Variants in CTNNA2 observed in about 807,000 individuals in gnomAD.
CTNNA2 encodes the protein catenin alpha-2.
CTNNA2 carries 42 observed loss-of-function variants against 101.0 expected under a neutral mutation model. The ratio of observed to expected loss-of-function variants is 0.42; its 90% CI spans 0.32 to 0.54. CTNNA2 has a LOEUF of 0.54. Ranked by LOEUF, CTNNA2 falls within the 20% of genes least tolerant of loss-of-function variation. The pLI is 0.14. For synonymous variants in CTNNA2, 450 were observed against 456.4 expected (o/e 0.99, Z 0.18); for missense variants, 871 against 1,223.1 (o/e 0.71, Z 4.29).
At chr2:80,513,971 C>A (rs943577842) in intron 9 of CTNNA2, among the ~76,000 whole-genome samples, 1 of 152,202 alleles carries the variant, frequency 6.6e-6, no homozygotes, top group African/African-American at 2.4e-5. Context: ...GAATCACATT[C>A]TTTTTCTCAG....
At chr2:79,305,722 A>G (rs962126483) in intron 2 of CTNNA2, among the ~76,000 whole-genome samples, 8 of 152,094 alleles carry the variant, frequency 5.3e-5, no homozygotes, top group Admixed American at 5.2e-4. Context: ...AATTTAGAAC[A>G]TTTCTTTGGG....
rs557080401 is a variant in CTNNA2, at chr2:80,053,249, A to G, written c.1056+143452A>G. On this transcript the variant is annotated intron_variant, in intron 7 of 18. Coordinates refer to ENST00000402739, the MANE Select transcript of CTNNA2 (RefSeq NM_001282597.3). ...GTCCATTTGTCCTTAGTTCCAGCCAACATTTCCAGGGGAGTTTCAAGGTGA... is the reference window on the plus strand; with the variant it reads ...GTCCATTTGTCCTTAGTTCCAGCCAGCATTTCCAGGGGAGTTTCAAGGTGA... Among the ~76,000 whole-genome samples, 17 of 152,280 alleles carry G rather than the reference A, an allele frequency of 1.1e-4. 1 individual carries two copies. The South Asian group carries it at 3.3e-3, about 30-fold the overall frequency.
intron 6 of CTNNA2, among the ~76,000 whole-genome samples, chr2:79,905,055 A>T (rs2104298675): frequency 6.6e-6 from 1 of 152,348 alleles, no homozygotes; most frequent in South Asian, 2.1e-4. Context: ...AAGGCAGAAT[A>T]GGATTCTAGT....
intron 4 of CTNNA2, among the ~76,000 whole-genome samples, chr2:79,405,972 A>G (rs1573150324): frequency 3.3e-5 from 5 of 152,062 alleles, no homozygotes; most frequent in South Asian, 4.1e-4. Context: ...GAATACTGAA[A>G]GAGGAGGCAT....
chr2:80,576,872 A>G (rs1695100704), intron 13 of CTNNA2, among the ~76,000 whole-genome samples: 1 of 148,580 alleles, frequency 6.7e-6, no homozygotes, highest in Admixed American at 6.8e-5. Flanking sequence ...AGGCTGTGGG[A>G]GGAGAATTGC....
chr2:80,185,511 G>A (rs1399693545), intron 7 of CTNNA2, among the ~76,000 whole-genome samples: 5 of 152,306 alleles, frequency 3.3e-5, no homozygotes, highest in Admixed American at 2.6e-4. Flanking sequence ...GAAACTCTCT[G>A]TGGCAGGTAG....
chr2:79,771,018 G>A (rs187976729), intron 3 of CTNNA2, among the ~76,000 whole-genome samples: 3 of 152,172 alleles, frequency 2.0e-5, no homozygotes, highest in Admixed American at 6.5e-5. Context: ...CTCTAACCTC[G>A]TGAAATTTCT....
chr2:80,441,025 T>C (rs1682517656), intron 9 of CTNNA2, among the ~76,000 whole-genome samples: 2 of 152,206 alleles, frequency 1.3e-5, no homozygotes, highest in Non-Finnish European at 2.9e-5. Flanking sequence ...AGGCAAACAA[T>C]GTGGCCAAAC....
At chr2:80,413,708 T>C (rs1376902162) in intron 8 of CTNNA2, among the ~76,000 whole-genome samples, 2 of 152,194 alleles carry the variant, frequency 1.3e-5, no homozygotes, top group East Asian at 3.8e-4. Context: ...ACTTTGTTGC[T>C]TTGATTTTAC....
At chr2:79,569,319 G>A (rs961211992) in intron 1 of CTNNA2, among the ~76,000 whole-genome samples, 4 of 152,060 alleles carry the variant, frequency 2.6e-5, no homozygotes, top group African/African-American at 7.2e-5. Flanking sequence ...GAACAGGGTC[G>A]GCTGGGGGGT....
intron 7 of CTNNA2, among the ~76,000 whole-genome samples, chr2:80,135,943 A>G (rs1387886266): frequency 3.3e-5 from 5 of 152,258 alleles, no homozygotes; most frequent in Middle Eastern, 3.4e-3. Flanking sequence ...TTGCTAACCC[A>G]TGGTAAAAGG....
intron 2 of CTNNA2, among the ~76,000 whole-genome samples, chr2:79,715,442 A>G (rs1470741936): frequency 2.6e-5 from 4 of 152,192 alleles, no homozygotes; most frequent in African/African-American, 9.7e-5. Context: ...CTTCCAATGA[A>G]TAAAGCTATT....
rs76393786 is a variant in CTNNA2 at position 79,527,918 on chromosome 2, C to T, written c.-6+14711C>T. Among the ~76,000 whole-genome samples the T allele has an allele frequency of 2.4e-3, 369 of 152,240 alleles. 2 individuals are homozygous for T. The highest frequency in any genetic ancestry group is 8.6e-3 in the African/African-American group (356 of 41,558). On this transcript the variant is annotated intron_variant, in intron 1 of 18. Transcript: ENST00000402739. ...GCCAAAAAGTTGAAAAATCTGATGT[C>T]TATTAATTGAAGAATGGACACACAA...
chr2:79,330,962 T>A (rs1293643464), intron 3 of CTNNA2, among the ~76,000 whole-genome samples: 2 of 152,204 alleles, frequency 1.3e-5, no homozygotes, highest in Non-Finnish European at 2.9e-5. Flanking sequence ...GGAGGGGGAA[T>A]TAGTGTTCCT....
At chr2:80,347,566 G>A (rs904670324) in intron 7 of CTNNA2, among the ~76,000 whole-genome samples, 1 of 152,278 alleles carries the variant, frequency 6.6e-6, no homozygotes, top group Middle Eastern at 3.4e-3. Context: ...TTTCATGGAG[G>A]TGGGAGGGGT....
chr2:79,527,682 A>G (rs1298684872), intron 1 of CTNNA2, among the ~76,000 whole-genome samples: 1 of 152,018 alleles, frequency 6.6e-6, no homozygotes, highest in Non-Finnish European at 1.5e-5. Flanking sequence ...ATCCTTATAC[A>G]TGAAGGTAGA....
chr2:79,299,447 C>G (rs1206442811), intron 2 of CTNNA2, among the ~76,000 whole-genome samples: 1 of 152,172 alleles, frequency 6.6e-6, no homozygotes, highest in Non-Finnish European at 1.5e-5. Flanking sequence ...ACTCAACAAG[C>G]ATTGTACAGG....
At chr2:80,606,521 G>A (rs1018355314) in intron 16 of CTNNA2, among the ~76,000 whole-genome samples, 2 of 151,460 alleles carry the variant, frequency 1.3e-5, no homozygotes, top group African/African-American at 2.4e-5. Flanking sequence ...CCTCTTTGTG[G>A]CATTATTATT....
intron 1 of CTNNA2, among the ~76,000 whole-genome samples, chr2:79,643,765 A>C (rs1010804405): frequency 1.3e-5 from 2 of 152,076 alleles, no homozygotes; most frequent in Admixed American, 1.3e-4. Flanking sequence ...TTCTCACCTC[A>C]TTTAGGCTGG....
Sources: allele counts gnomAD v4.1 joint callset (sites outside exome capture counted in the v4.1 genomes callset), GRCh38; gene constraint gnomAD v4.1.1; transcripts MANE v1.5; gene names NCBI Gene and HGNC (gene_info 2026-07-23, HGNC 2026-07-21).